Variants in FSTL4 observed in about 807,000 individuals in gnomAD.
FSTL4 encodes the protein follistatin like 4.
Under a neutral mutation model 78.2 loss-of-function variants are expected in FSTL4, and 28 were observed. The ratio of observed to expected loss-of-function variants is 0.36; its 90% CI spans 0.27 to 0.49. FSTL4 has a LOEUF of 0.49. Ranked by LOEUF, FSTL4 falls within the 20% of genes least tolerant of loss-of-function variation. The pLI is 0.98. For missense variants in FSTL4, 922 were observed against 1,084.9 expected, an observed-to-expected ratio of 0.85 and a Z score of 2.11; for synonymous variants, 422 against 440.5, an observed-to-expected ratio of 0.96 and a Z score of 0.53.
chr5:133,719,219 C>T, the FSTL4 span, among the ~76,000 whole-genome samples: 1 of 152,246 alleles, frequency 6.6e-6, no homozygotes, highest in Admixed American at 6.5e-5. Flanking sequence ...GCTTAGTACA[C>T]ACATTTGAAG....
chr5:133,649,904 T>G, the FSTL4 span, among the ~76,000 whole-genome samples: 1 of 150,884 alleles, frequency 6.6e-6, no homozygotes, highest in African/African-American at 2.4e-5. Context: ...TATAAAGAAA[T>G]AGCTGAGGCC....
In FSTL4 at chr5:133,349,503, T is replaced by C. The variant is rs1032642673; in HGVS notation, c.410-32851A>G. 7.9e-4 allele frequency among the ~76,000 whole-genome samples: 110 copies of C among 139,406 alleles called. No homozygotes were observed. In the Middle Eastern group the frequency reaches 0.018, roughly 23 times the overall value. 91.5% of individuals were successfully genotyped at this position (139,406 alleles called of 152,430 possible). ...CATGCTGCCATGTGACTGTAAAGGA[T>C]CCATAGGATGGACTTTATGTTTGTC... On this transcript the variant is annotated intron_variant, in intron 4 of 15. Coordinates refer to ENST00000265342, the MANE Select transcript of FSTL4 (RefSeq NM_015082.2).
intron 4 of FSTL4, among the ~76,000 whole-genome samples, chr5:133,340,073 C>G (rs1489343248): frequency 6.6e-6 from 1 of 152,104 alleles, no homozygotes; most frequent in South Asian, 2.1e-4. Context: ...CACTCGTGTT[C>G]CAGGCATGGG....
chr5:133,392,563 C>A (rs1755876156), intron 4 of FSTL4, among the ~76,000 whole-genome samples: 1 of 152,070 alleles, frequency 6.6e-6, no homozygotes, highest in Admixed American at 6.5e-5. Flanking sequence ...TAGGTGCAGA[C>A]CCTAGAGGGC....
At chr5:133,649,403 T>C in the FSTL4 span, among the ~76,000 whole-genome samples, 1 of 152,206 alleles carries the variant, frequency 6.6e-6, no homozygotes, top group Non-Finnish European at 1.5e-5. Flanking sequence ...AATCTTATGG[T>C]AAAAGTTTTT....
chr5:133,584,904 G>GT (rs1760499815), intron 2 of FSTL4, among the ~76,000 whole-genome samples: 1 of 47,300 alleles, frequency 2.1e-5, no homozygotes, highest in Non-Finnish European at 4.4e-5. Flanking sequence ...ACCCTCAAAG[G>GT]GAAGCCCATC....
chr5:133,672,974 A>T, the FSTL4 span, among the ~76,000 whole-genome samples: 2 of 152,222 alleles, frequency 1.3e-5, no homozygotes, highest in East Asian at 1.9e-4. Context: ...TATATGTAAG[A>T]AGTACACTGG....
At chr5:133,213,421 G>A (rs1375888016) in intron 13 of FSTL4, among the ~76,000 whole-genome samples, 1 of 152,188 alleles carries the variant, frequency 6.6e-6, no homozygotes, top group East Asian at 1.9e-4. Context: ...CAAATGTGTG[G>A]GTGAATATAA....
At chr5:133,786,894 A>G in the FSTL4 span, among the ~76,000 whole-genome samples, 2 of 152,332 alleles carry the variant, frequency 1.3e-5, no homozygotes, top group African/African-American at 4.8e-5. Context: ...GGTGGGGACT[A>G]TCACCATTCT....
the FSTL4 span, among the ~76,000 whole-genome samples, chr5:133,825,770 C>T: frequency 6.6e-6 from 1 of 152,242 alleles, no homozygotes; most frequent in African/African-American, 2.4e-5. Context: ...CCGGCCCTGT[C>T]TGACAGCCCA....
intron 4 of FSTL4, among the ~76,000 whole-genome samples, chr5:133,360,545 T>C (rs1755046695): frequency 6.6e-6 from 1 of 151,850 alleles, no homozygotes; most frequent in Non-Finnish European, 1.5e-5. Flanking sequence ...ATTTACCAAG[T>C]TTGATAGGCT....
intron 14 of FSTL4, 29 bp from the exon 15 acceptor site, chr5:133,202,071 G>A: frequency 2.0e-6 from 3 of 1,478,294 alleles, no homozygotes; most frequent in South Asian, 1.2e-5. Flanking sequence ...ATCCTAGTGA[G>A]GGCCCATGCA....
At chr5:133,224,049 C>T (rs1751246727) in intron 11 of FSTL4, 141 bp downstream of exon 11, 1 of 600,122 alleles carries the variant, frequency 1.7e-6, no homozygotes, top group East Asian at 2.8e-5. Flanking sequence ...ATGCATATGC[C>T]ACTTGAATTT....
chr5:133,240,833 A>T (rs1751847047), intron 7 of FSTL4, among the ~76,000 whole-genome samples: 1 of 152,144 alleles, frequency 6.6e-6, no homozygotes, highest in African/African-American at 2.4e-5. Flanking sequence ...GAGAGGAAGG[A>T]TAGTTAAGAA....
chr5:133,826,605 GC>G, the FSTL4 span, among the ~76,000 whole-genome samples: 93 of 152,272 alleles, frequency 6.1e-4, 1 homozygote, highest in African/African-American at 2.2e-3. Context: ...TCCCCCGTTG[GC>G]CTTTCTCCTA....
chr5:133,303,896 G>A (rs1374819670), intron 6 of FSTL4, among the ~76,000 whole-genome samples: 3 of 152,306 alleles, frequency 2.0e-5, no homozygotes, highest in South Asian at 4.1e-4. Flanking sequence ...CCACACTCAC[G>A]CTGAGACAAG....
intron 6 of FSTL4, among the ~76,000 whole-genome samples, chr5:133,277,494 T>C (rs188264626): frequency 6.6e-6 from 1 of 152,310 alleles, no homozygotes; most frequent in East Asian, 1.9e-4. Flanking sequence ...TTTCTATGTA[T>C]GCTGCACTCC....
intron 6 of FSTL4, among the ~76,000 whole-genome samples, chr5:133,269,595 T>C (rs550028107): frequency 1.3e-5 from 2 of 152,240 alleles, no homozygotes; most frequent in African/African-American, 4.8e-5. Context: ...TAGGAACTCA[T>C]GCTCACTTGG....
intron 8 of FSTL4, among the ~76,000 whole-genome samples, chr5:133,226,132 C>T (rs1751325489): frequency 2.0e-5 from 3 of 152,132 alleles, no homozygotes; most frequent in Admixed American, 6.5e-5. Flanking sequence ...AGAGCAGCAG[C>T]CACTGAAATT....
Sources: gnomAD v4.1 joint callset for allele counts (sites outside exome capture counted in the v4.1 genomes callset) on GRCh38, gnomAD v4.1.1 for gene constraint, MANE v1.5 for transcripts, NCBI Gene and HGNC (gene_info 2026-07-23, HGNC 2026-07-21) for gene names.